The following RGS7 variants were observed in gnomAD, a reference collection of about 807,000 sequenced individuals.
RGS7 encodes the protein regulator of G-protein signaling 7.
A neutral mutation model predicts 81.1 loss-of-function variants in RGS7; 27 were observed. That is an observed-to-expected ratio of 0.33 (90% CI 0.25 to 0.46). RGS7 has a LOEUF of 0.46. RGS7 is among the 20% of genes least tolerant of loss of function. The probability of loss-of-function intolerance (pLI) is 1.00; values close to 1 mark genes in which losing one functional copy is unlikely to be tolerated. For missense variants in RGS7, 396 were observed against 607.4 expected (o/e 0.65, Z 3.66); for synonymous variants, 208 against 207.7 (o/e 1.00, Z -0.01).
Position 241,026,249 on chromosome 1 carries a change from T to G in RGS7, c.176-43120A>C, listed in dbSNP as rs143772417. ...GTAACATTTGTTGACTGAATAAATG[T>G]AAGGTATTTTCTACATAATGCAGAC... is the stretch of plus-strand genomic sequence containing the variant. On this transcript the variant is annotated intron_variant, in intron 3 of 18. Coordinates refer to ENST00000440928, the MANE Select transcript of RGS7 (RefSeq NM_001364886.1). Among the ~76,000 whole-genome samples the G allele has an allele frequency of 5.3e-5, 8 of 152,300 alleles. No individual in the cohort carries two copies. In the East Asian group the frequency reaches 1.5e-3, roughly 29 times the overall value.
intron 2 of RGS7, among the ~76,000 whole-genome samples, chr1:241,238,614 A>T (rs1276662849): frequency 6.6e-6 from 1 of 152,208 alleles, no homozygotes; most frequent in African/African-American, 2.4e-5. Flanking sequence ...AGCTCACCGT[A>T]GCCTCGAACT....
At chr1:240,879,191 C>T (rs900706453) in intron 6 of RGS7, among the ~76,000 whole-genome samples, 1 of 152,206 alleles carries the variant, frequency 6.6e-6, no homozygotes, top group Non-Finnish European at 1.5e-5. Flanking sequence ...GTATCTCCAA[C>T]AGTTTTCATA....
At chr1:241,130,944 A>AAAAAAC (rs1491202997) in intron 2 of RGS7, among the ~76,000 whole-genome samples, 12 of 150,130 alleles carry the variant, frequency 8.0e-5, no homozygotes, top group African/African-American at 2.8e-4. Flanking sequence ...AAAAAAAAAA[A>AAAAAAC]ACCAAGAGGC....
chr1:240,819,288 T>C (rs1233111933), intron 10 of RGS7, among the ~76,000 whole-genome samples: 2 of 152,198 alleles, frequency 1.3e-5, no homozygotes, highest in Admixed American at 6.5e-5. Context: ...GTTTTAACAG[T>C]AAGTTTTTAG....
rs149698457 is a variant in RGS7 at position 241,310,141 on chromosome 1, T to C, written c.78+45558A>G. ...CCAGGAAGACAACATGTTTGCTACT[T>C]CTAGATGTCTAAAAGGTCATTTTCT... is the stretch of plus-strand genomic sequence containing the variant. On this transcript the variant is annotated intron_variant, in intron 2 of 18. Coordinates refer to ENST00000440928, the MANE Select transcript of RGS7 (RefSeq NM_001364886.1). Among the ~76,000 whole-genome samples the C allele has an allele frequency of 8.4e-4, 128 of 152,332 alleles. 2 individuals are homozygous for C. The East Asian group carries it at 0.019, about 22-fold the overall frequency.
intron 2 of RGS7, among the ~76,000 whole-genome samples, chr1:241,268,452 A>G (rs1263273975): frequency 2.0e-5 from 3 of 152,156 alleles, no homozygotes; most frequent in Non-Finnish European, 4.4e-5. Context: ...CCAATGAAAA[A>G]TGTCTCTAGA....
intron 5 of RGS7, among the ~76,000 whole-genome samples, chr1:240,932,876 CTTTTTTTTTTTTT>C (rs36194238): frequency 7.0e-5 from 4 of 57,328 alleles, no homozygotes; most frequent in South Asian, 8.1e-4. Flanking sequence ...TGGTATCTTT[CTTTTTTTTTTTTT>C]TTTTTTTTTT....
chr1:240,823,183 T>G (rs1395298604), intron 10 of RGS7: 2 of 1,035,182 alleles, frequency 1.9e-6, no homozygotes, highest in South Asian at 2.5e-5. Flanking sequence ...TTTGAAGGTA[T>G]GCAGGATAAG....
chr1:241,083,496 C>T (rs768773341), intron 3 of RGS7, among the ~76,000 whole-genome samples: 12 of 152,146 alleles, frequency 7.9e-5, no homozygotes, highest in Non-Finnish European at 1.6e-4. Context: ...TGTTCCGCAG[C>T]TCGATTGGCT....
At chr1:240,957,782 AC>A (rs1216031323) in intron 4 of RGS7, among the ~76,000 whole-genome samples, 3 of 152,176 alleles carry the variant, frequency 2.0e-5, no homozygotes, top group African/African-American at 7.2e-5. Flanking sequence ...ATATATAGAA[AC>A]TTTTTGTACT....
chr1:240,947,926 C>T (rs1678917494), intron 4 of RGS7, among the ~76,000 whole-genome samples: 2 of 152,142 alleles, frequency 1.3e-5, no homozygotes, highest in African/African-American at 4.8e-5. Context: ...CTCCTTGTTG[C>T]TCCTCAAACA....
chr1:241,161,043 A>G (rs2069613921), intron 2 of RGS7, among the ~76,000 whole-genome samples: 1 of 142,264 alleles, frequency 7.0e-6, no homozygotes. Flanking sequence ...GCCCCAACCT[A>G]ATAACACCCA....
At chr1:240,800,551 C>G in intron 18 of RGS7, 90 bp downstream of exon 18, 2 of 660,570 alleles carry the variant, frequency 3.0e-6, no homozygotes, top group Non-Finnish European at 4.8e-6. Flanking sequence ...GCAAAAGCCA[C>G]AACACACACA....
At chr1:240,854,363 T>G (rs976882108) in intron 9 of RGS7, among the ~76,000 whole-genome samples, 6 of 152,240 alleles carry the variant, frequency 3.9e-5, no homozygotes, top group Non-Finnish European at 7.3e-5. Context: ...TGTATCCAAT[T>G]TAAAAATTTG....
At chr1:241,352,916 A>C (rs148210798) in intron 2 of RGS7, among the ~76,000 whole-genome samples, 1 of 152,238 alleles carries the variant, frequency 6.6e-6, no homozygotes, top group Non-Finnish European at 1.5e-5. Flanking sequence ...CAGCACATAC[A>C]TATCTTGAGT....
At position 241,193,511 on chromosome 1, in the gene RGS7, T is replaced by C. The variant is rs73131686; in HGVS notation, c.79-94749A>G. Among the ~76,000 whole-genome samples the C allele has an allele frequency of 2.0e-3, 303 of 152,368 alleles. 2 individuals carry two copies. The highest frequency in any genetic ancestry group is 6.8e-3 in the African/African-American group (283 of 41,598). On this transcript the variant is annotated intron_variant, in intron 2 of 18. Transcript: ENST00000440928. ...GCTGATATTATCAATCAATTCATCC[T>C]GCCTGAATTTATAACACCACATTTG...
At chr1:241,033,196 C>G (rs1190605003) in intron 3 of RGS7, among the ~76,000 whole-genome samples, 2 of 152,122 alleles carry the variant, frequency 1.3e-5, no homozygotes, top group Non-Finnish European at 2.9e-5. Flanking sequence ...ACTAAAAATA[C>G]AAAAATTAAC....
chr1:241,335,912 T>A (rs921938242), intron 2 of RGS7, among the ~76,000 whole-genome samples: 5 of 151,678 alleles, frequency 3.3e-5, no homozygotes, highest in Non-Finnish European at 7.4e-5. Flanking sequence ...CCACTACTGA[T>A]ACACTGCTGA....
At chr1:241,214,430 T>C (rs987618469) in intron 2 of RGS7, among the ~76,000 whole-genome samples, 26 of 152,234 alleles carry the variant, frequency 1.7e-4, no homozygotes, top group African/African-American at 5.8e-4. Context: ...ATGTTTTTTT[T>C]TTCTTTGGCT....
Sources: allele counts gnomAD v4.1 joint callset (sites outside exome capture counted in the v4.1 genomes callset), GRCh38; gene constraint gnomAD v4.1.1; transcripts MANE v1.5; gene names NCBI Gene and HGNC (gene_info 2026-07-23, HGNC 2026-07-21).